Variants in RARB observed in about 807,000 individuals in gnomAD.
RARB encodes retinoic acid receptor beta, also known as HBV-activated protein.
A neutral mutation model predicts 51.9 loss-of-function variants in RARB; 17 were observed. The observed-to-expected ratio is 0.33, with a 90% CI of 0.22 to 0.49. The LOEUF is 0.49. Among genes scored for constraint, RARB ranks in the 20% least tolerant of loss-of-function variants. The pLI is 0.99. For missense variants in RARB, 369 were observed against 550.8 expected (o/e 0.67, Z 3.30); for synonymous variants, 215 against 195.4 (o/e 1.10, Z -0.84).
At chr3:25,392,246 A>G (rs1379234280) in intron 5 of RARB, among the ~76,000 whole-genome samples, 1 of 152,112 alleles carries the variant, frequency 6.6e-6, no homozygotes, top group Non-Finnish European at 1.5e-5. Context: ...CCATTGGTCT[A>G]TGTGCCTACT....
At chr3:25,214,667 A>G (rs1419163258) in intron 5 of RARB, among the ~76,000 whole-genome samples, 1 of 152,194 alleles carries the variant, frequency 6.6e-6, no homozygotes, top group Non-Finnish European at 1.5e-5. Context: ...AGCTGGCTCA[A>G]TTTACACAGT....
At chr3:25,165,207 G>A (rs1394616922) in intron 4 of RARB, among the ~76,000 whole-genome samples, 10 of 152,146 alleles carry the variant, frequency 6.6e-5, no homozygotes, top group Non-Finnish European at 1.5e-4. Flanking sequence ...AAGCACAGTT[G>A]TAGCTACTGT....
rs1236733229 is a variant in RARB at position 25,356,959 on chromosome 3, G to C, written c.179-104234G>C. 2.0e-5 allele frequency among the ~76,000 whole-genome samples: 3 copies of C among 152,242 alleles called. No homozygotes were observed. In the East Asian group the frequency reaches 5.8e-4, roughly 29 times the overall value. On this transcript the variant is annotated intron_variant, in intron 5 of 11. Coordinates refer to the RARB transcript ENST00000383772. ...TTCCAAGTCTTTGCTATTGTGAATAGTGCTGCAATAAACATACGTGTGCAT... is the reference window on the plus strand; with the variant it reads ...TTCCAAGTCTTTGCTATTGTGAATACTGCTGCAATAAACATACGTGTGCAT...
intron 2 of RARB, among the ~76,000 whole-genome samples, chr3:24,998,283 T>C (rs1052253053): frequency 6.6e-6 from 1 of 151,700 alleles, no homozygotes; most frequent in Non-Finnish European, 1.5e-5. Flanking sequence ...GTTTGTTTTT[T>C]TTTTTTTCTT....
At chr3:24,879,484 A>AT (rs11417502) in intron 2 of RARB, among the ~76,000 whole-genome samples, 70,873 of 121,250 alleles carry the variant, frequency 0.58, 21,208 homozygotes, top group South Asian at 0.61. Context: ...AAGGATCTCC[A>AT]TTTTTTTTTT....
chr3:25,220,967 T>G (rs1559511134), intron 5 of RARB, among the ~76,000 whole-genome samples: 1 of 152,098 alleles, frequency 6.6e-6, no homozygotes, highest in Admixed American at 6.6e-5. Flanking sequence ...CAATGGATTA[T>G]GTATGACATT....
chr3:25,146,620 G>T (rs1022931699), intron 4 of RARB, among the ~76,000 whole-genome samples: 2 of 150,582 alleles, frequency 1.3e-5, no homozygotes, highest in Admixed American at 6.7e-5. Flanking sequence ...CCATTCTCCT[G>T]CCTCAGCCTC....
chr3:24,915,796 T>A (rs750986583), intron 2 of RARB, among the ~76,000 whole-genome samples: 1 of 152,124 alleles, frequency 6.6e-6, no homozygotes, highest in Non-Finnish European at 1.5e-5. Flanking sequence ...CCTGGGTCTA[T>A]ACAAATGTAG....
intron 2 of RARB, among the ~76,000 whole-genome samples, chr3:25,470,107 T>C (rs1011748083): frequency 7.9e-5 from 12 of 152,166 alleles, no homozygotes; most frequent in Admixed American, 6.5e-4. Flanking sequence ...TGAGGTAATC[T>C]CTGCAATTTC....
intron 1 of RARB, among the ~76,000 whole-genome samples, chr3:24,835,588 T>A (rs1702334776): frequency 6.6e-6 from 1 of 152,176 alleles, no homozygotes; most frequent in South Asian, 2.1e-4. Flanking sequence ...GAAACAGCCT[T>A]AACAAGGTTA....
chr3:24,953,829 A>G lies in RARB; in HGVS notation c.-380+95077A>G, dbSNP rs985257604. On this transcript the variant is annotated intron_variant, in intron 2 of 11. Transcript: ENST00000383772. Reference sequence around the variant, plus strand: ...GGTGTGCCGTGCCCATTCAACTCCTACTTGACTTCTTGTCCAGGAGGTTAA... The same window carrying G: ...GGTGTGCCGTGCCCATTCAACTCCTGCTTGACTTCTTGTCCAGGAGGTTAA... Among the ~76,000 whole-genome samples, 4 of 152,172 alleles carry G rather than the reference A, an allele frequency of 2.6e-5. No individual in the cohort carries two copies. The East Asian group carries it at 5.8e-4, about 22-fold the overall frequency.
chr3:25,529,379 G>C (rs1371943212), intron 3 of RARB, among the ~76,000 whole-genome samples: 2 of 151,828 alleles, frequency 1.3e-5, no homozygotes, highest in African/African-American at 2.4e-5. Context: ...TTGTATAGTA[G>C]AAAAACATGG....
intron 2 of RARB, among the ~76,000 whole-genome samples, chr3:24,957,046 G>A (rs766644584): frequency 6.6e-6 from 1 of 152,188 alleles, no homozygotes; most frequent in Non-Finnish European, 1.5e-5. Context: ...TTAGATGCTG[G>A]CTGCCCCTGG....
At chr3:25,274,312 G>A (rs1029345940) in intron 5 of RARB, among the ~76,000 whole-genome samples, 5 of 152,142 alleles carry the variant, frequency 3.3e-5, no homozygotes, top group African/African-American at 1.2e-4. Context: ...GGATGGGACC[G>A]TTCAAGTGCT....
chr3:24,989,555 CCTTGATGTTTAAT>C, intron 2 of RARB, among the ~76,000 whole-genome samples: 1 of 108,260 alleles, frequency 9.2e-6, no homozygotes. Flanking sequence ...TATCATCTCC[CCTTGATGTTTAAT>C]ATATATTTTT....
intron 2 of RARB, among the ~76,000 whole-genome samples, chr3:24,918,142 C>T (rs893303213): frequency 6.6e-6 from 1 of 152,144 alleles, no homozygotes; most frequent in African/African-American, 2.4e-5. Flanking sequence ...AAAATGCAAA[C>T]AATCCAAATG....
At chr3:25,210,270 C>G (rs986858013) in intron 5 of RARB, among the ~76,000 whole-genome samples, 1 of 152,084 alleles carries the variant, frequency 6.6e-6, no homozygotes, top group East Asian at 1.9e-4. Context: ...TCCTTCCTGT[C>G]CCAATACACC....
rs557991462 is a variant in RARB, at chr3:24,900,835, A to G, written c.-380+42083A>G. Among the ~76,000 whole-genome samples the G allele has an allele frequency of 2.0e-5, 3 of 152,336 alleles. No homozygotes were observed. In the South Asian group the frequency reaches 6.2e-4, roughly 32 times the overall value. On this transcript the variant is annotated intron_variant, in intron 2 of 11. Coordinates refer to the RARB transcript ENST00000383772. Reference sequence around the variant, plus strand: ...ATGTTATAATAAAATTTCAGGGAAAAGTTGGGTGATTATAATAGGAAGGAA... The same window carrying G: ...ATGTTATAATAAAATTTCAGGGAAAGGTTGGGTGATTATAATAGGAAGGAA...
At chr3:24,963,290 A>G (rs1696181047) in intron 2 of RARB, among the ~76,000 whole-genome samples, 1 of 151,822 alleles carries the variant, frequency 6.6e-6, no homozygotes, top group Non-Finnish European at 1.5e-5. Context: ...AAAGGAGTGC[A>G]TTGATATAAA....
Sources: gnomAD v4.1 joint callset for allele counts (sites outside exome capture counted in the v4.1 genomes callset) on GRCh38, gnomAD v4.1.1 for gene constraint, MANE v1.5 for transcripts, NCBI Gene and HGNC (gene_info 2026-07-23, HGNC 2026-07-21) for gene names.